Variants in MYCBP2 observed in about 807,000 individuals in gnomAD.
MYCBP2 encodes the protein E3 ubiquitin-protein ligase MYCBP2.
In MYCBP2, 120 loss-of-function variants were observed where a neutral mutation model predicts 525.3. That is an observed-to-expected ratio of 0.23 (90% CI 0.20 to 0.27). The LOEUF (loss-of-function observed/expected upper bound fraction) is 0.27. Ranked by LOEUF, MYCBP2 falls within the 10% of genes least tolerant of loss-of-function variation. The pLI is 1.00. For missense variants in MYCBP2, 4,149 were observed against 5,657.1 expected (o/e 0.73, Z 8.55); for synonymous variants, 1,894 against 1,955.8 (o/e 0.97, Z 0.83).
intron 4 of MYCBP2, among the ~76,000 whole-genome samples, chr13:77,276,529 G>A (rs922737058): frequency 3.3e-5 from 5 of 152,166 alleles, no homozygotes; most frequent in African/African-American, 9.7e-5. Flanking sequence ...AAGCAGTGAC[G>A]AGATCAGCAG....
At chr13:77,242,640 G>A (rs999562045) in intron 17 of MYCBP2, among the ~76,000 whole-genome samples, 2 of 152,152 alleles carry the variant, frequency 1.3e-5, no homozygotes, top group Non-Finnish European at 2.9e-5. Context: ...GAGCATAAAT[G>A]AGTAAGAAAA....
chr13:77,326,151 A>T lies in MYCBP2; in HGVS notation c.302+323T>A, dbSNP rs1172792326. 6.6e-6 allele frequency among the ~76,000 whole-genome samples: 1 copy of T among 151,748 alleles called. No individual in the cohort carries two copies. Among genetic ancestry groups the T allele is most frequent in the African/African-American group, 2.4e-5 (1 of 41,262 alleles). On this transcript the variant is annotated intron_variant, in intron 1 of 82. Transcript: ENST00000544440. The surrounding 1 kb of genome is among the most constrained non-coding windows in gnomAD (Gnocchi z 4.2). ...GCCACCTCCTACCTCAACGATACAC[A>T]CACGTGTCACAGCCGACCAGCACCA...
At chr13:77,216,386 T>C (rs1292517253) in intron 21 of MYCBP2, among the ~76,000 whole-genome samples, 5 of 152,202 alleles carry the variant, frequency 3.3e-5, no homozygotes, top group Non-Finnish European at 2.9e-5. Flanking sequence ...GAATGATCAA[T>C]GGATGCTAAA....
chr13:77,193,599 A>G (rs1444235432), intron 27 of MYCBP2, among the ~76,000 whole-genome samples: 1 of 152,188 alleles, frequency 6.6e-6, no homozygotes, highest in Non-Finnish European at 1.5e-5. Flanking sequence ...CGTAGAGAGG[A>G]CTGATAAAGT....
intron 1 of MYCBP2, among the ~76,000 whole-genome samples, chr13:77,325,439 G>C (rs1302987939): frequency 3.9e-5 from 6 of 152,152 alleles, no homozygotes; most frequent in Non-Finnish European, 8.8e-5. Context: ...AGGGTATGCG[G>C]CATGTAAGGG....
intron 71 of MYCBP2, among the ~76,000 whole-genome samples, chr13:77,066,478 G>A (rs2040222393): frequency 1.3e-5 from 2 of 152,234 alleles, no homozygotes; most frequent in African/African-American, 4.8e-5. Flanking sequence ...CAGGAAAGAA[G>A]TGATACAATG....
intron 55 of MYCBP2, among the ~76,000 whole-genome samples, chr13:77,114,708 A>G (rs1435783409): frequency 6.6e-6 from 1 of 152,078 alleles, no homozygotes; most frequent in Non-Finnish European, 1.5e-5. Flanking sequence ...CATATATTTC[A>G]TGTTTGAAAT....
chr13:77,266,367 G>C (rs2074077169), intron 8 of MYCBP2, among the ~76,000 whole-genome samples: 1 of 152,020 alleles, frequency 6.6e-6, no homozygotes, highest in Admixed American at 6.6e-5. Flanking sequence ...AATATATTTT[G>C]TAACATTTAA....
At chr13:77,227,481 TACACACAC>T (rs71704593) in intron 18 of MYCBP2, among the ~76,000 whole-genome samples, 2,773 of 144,800 alleles carry the variant, frequency 0.019, 43 homozygotes, top group African/African-American at 0.039. Flanking sequence ...CACACACACA[TACACACAC>T]ACACACACAC....
At chr13:77,194,775 G>A (rs942768122) in intron 26 of MYCBP2, among the ~76,000 whole-genome samples, 4 of 151,904 alleles carry the variant, frequency 2.6e-5, no homozygotes, top group African/African-American at 7.3e-5. Flanking sequence ...ATAAAAAAGG[G>A]TAGAGAAATA....
intron 3 of MYCBP2, among the ~76,000 whole-genome samples, chr13:77,285,953 C>T (rs1334378355): frequency 6.6e-6 from 1 of 151,954 alleles, no homozygotes; most frequent in African/African-American, 2.4e-5. Context: ...ACAGTTAGGA[C>T]ATTGCAGACA....
intron 39 of MYCBP2, 118 bp downstream of exon 39, chr13:77,169,496 G>T: frequency 4.4e-6 from 3 of 682,766 alleles, no homozygotes; most frequent in Non-Finnish European, 5.1e-6. Flanking sequence ...ATCTCTGCTT[G>T]TTACCTATAT....
intron 36 of MYCBP2, among the ~76,000 whole-genome samples, chr13:77,175,510 T>C (rs1175856548): frequency 6.6e-6 from 1 of 152,202 alleles, no homozygotes. Flanking sequence ...TTTTTCAGTA[T>C]CTAAATTCTT....
chr13:77,172,914 C>A (rs995681262), intron 37 of MYCBP2, among the ~76,000 whole-genome samples: 2 of 152,212 alleles, frequency 1.3e-5, no homozygotes, highest in Non-Finnish European at 2.9e-5. Flanking sequence ...GACAATTCAG[C>A]GTCTCAGTTC....
At chr13:77,157,540 T>C (rs2057359605) in intron 45 of MYCBP2, among the ~76,000 whole-genome samples, 1 of 152,022 alleles carries the variant, frequency 6.6e-6, no homozygotes, top group Non-Finnish European at 1.5e-5. Context: ...TATACTATCA[T>C]AACTATTCCA....
chr13:77,294,131 C>CATATATATATATATATAT, intron 2 of MYCBP2, among the ~76,000 whole-genome samples: 3 of 65,688 alleles, frequency 4.6e-5, no homozygotes, highest in Non-Finnish European at 6.0e-5. Context: ...TATATATATA[C>CATATATATATATATATAT]ATATATATAT....
rs2154212403 is a variant in MYCBP2 at position 77,164,394 on chromosome 13, T to C, written c.6547+60A>G. 7.9e-6 allele frequency: 9 copies of C among 1,134,328 alleles called. No individual in the cohort carries two copies. In the South Asian group the frequency reaches 8.0e-5, roughly 10 times the overall value. The allele number at this position is 1,134,328 out of a possible 1,614,324, so 70.3% of individuals were successfully genotyped here. A position where few individuals can be genotyped will look rare whatever the true frequency, so the allele number is the denominator to read the frequency against. The stretch of plus-strand genomic sequence containing the variant: ...TGCAAATCTATTTTTGGCCCTTTTA[T>C]AATACATACAAAACAAAACAAAACC... On this transcript the variant is annotated intron_variant, in intron 43 of 82. Transcript: ENST00000544440.
chr13:77,069,324 G>A (rs1032463700), intron 69 of MYCBP2, among the ~76,000 whole-genome samples: 6 of 152,188 alleles, frequency 3.9e-5, no homozygotes, highest in African/African-American at 1.4e-4. Flanking sequence ...GAATAATAGT[G>A]TAGAAAGTTA....
intron 1 of MYCBP2, among the ~76,000 whole-genome samples, chr13:77,322,343 T>C (rs1267996349): frequency 6.6e-6 from 1 of 152,198 alleles, no homozygotes; most frequent in Non-Finnish European, 1.5e-5. Flanking sequence ...ACTAACATTG[T>C]TCTTCTAGGA....
Sources: gnomAD v4.1 joint callset for allele counts (sites outside exome capture counted in the v4.1 genomes callset) on GRCh38, gnomAD v4.1.1 for gene constraint, Gnocchi (gnomAD v3.1) non-coding constraint, MANE v1.5 for transcripts, NCBI Gene and HGNC (gene_info 2026-07-23, HGNC 2026-07-21) for gene names.